GXYLT1: variants seen among roughly 807,000 people sequenced by gnomAD.
GXYLT1 encodes the protein glycosyltransferase 8 domain containing 3.
In GXYLT1, 29 loss-of-function variants were observed where a neutral mutation model predicts 54.0. The ratio of observed to expected loss-of-function variants is 0.54; its 90% CI spans 0.40 to 0.73. GXYLT1 has a LOEUF of 0.73. Ranked by LOEUF, GXYLT1 falls within the 30% of genes least tolerant of loss-of-function variation. The probability of loss-of-function intolerance (pLI) is 0.00; values close to 1 mark genes in which losing one functional copy is unlikely to be tolerated. For synonymous variants in GXYLT1, 176 were observed against 204.1 expected, an observed-to-expected ratio of 0.86 and a Z score of 1.17; for missense variants, 490 against 553.4, an observed-to-expected ratio of 0.89 and a Z score of 1.15.
Position 42,144,500 on chromosome 12 carries a change from G to C in GXYLT1, c.147C>G (p.Leu49=), listed in dbSNP as rs2065669710. The change falls in exon 1 of 8, where the codon CTC becomes CTG. Residue 49 remains leucine, a synonymous_variant. Coordinates refer to ENST00000398675, the MANE Select transcript of GXYLT1 (RefSeq NM_173601.2). Reference sequence around the variant, plus strand: ...TCACGGCGCCGCGTCCGCCGCCCGCGAGCCAGGAAGCCACCGCGGCCTGCG... The same window carrying C: ...TCACGGCGCCGCGTCCGCCGCCCGCCAGCCAGGAAGCCACCGCGGCCTGCG... The part of the protein sequence containing the change: ...GKPQAAVASW[L]AGGGRGAVRG... The C allele has an allele frequency of 2.1e-6, 3 of 1,396,788 alleles. No homozygotes were observed. Among genetic ancestry groups the C allele is most frequent in the Non-Finnish European group, 2.8e-6 (3 of 1,074,550 alleles). 86.5% of individuals were successfully genotyped at this position (1,396,788 alleles called of 1,614,324 possible).
chr12:42,143,947 T>G (rs2065665118), intron 1 of GXYLT1, among the ~76,000 whole-genome samples: 1 of 152,156 alleles, frequency 6.6e-6, no homozygotes, highest in African/African-American at 2.4e-5. Context: ...CTTAGAAGTG[T>G]AAGCGTTAAC....
At chr12:42,094,868 G>A (rs2065347222) in intron 7 of GXYLT1, among the ~76,000 whole-genome samples, 1 of 152,054 alleles carries the variant, frequency 6.6e-6, no homozygotes, top group African/African-American at 2.4e-5. Flanking sequence ...TAATAATGAT[G>A]GTTGTACAAT....
chr12:42,119,711 C>T (rs2065519144), intron 2 of GXYLT1, among the ~76,000 whole-genome samples: 1 of 151,822 alleles, frequency 6.6e-6, no homozygotes, highest in Non-Finnish European at 1.5e-5. Flanking sequence ...AGGAGGCTGA[C>T]ATGGGAGGAT....
At chr12:42,108,773 T>A (rs918619439) in intron 4 of GXYLT1, among the ~76,000 whole-genome samples, 34 of 152,186 alleles carry the variant, frequency 2.2e-4, no homozygotes, top group Non-Finnish European at 7.4e-5. Flanking sequence ...CACTTAGCAA[T>A]AAGAAGTAAC....
chr12:42,095,324 T>C (rs531419006), intron 7 of GXYLT1, among the ~76,000 whole-genome samples: 4 of 152,130 alleles, frequency 2.6e-5, no homozygotes, highest in Non-Finnish European at 5.9e-5. Flanking sequence ...CACAGCTAAC[T>C]GTACATTGCT....
At chr12:42,117,491 G>GT (rs144921512) in intron 3 of GXYLT1, among the ~76,000 whole-genome samples, 22,338 of 151,728 alleles carry the variant, frequency 0.15, 1,749 homozygotes, top group South Asian at 0.22. Flanking sequence ...CTCATAATTA[G>GT]TATTTTTGCA....
At chr12:42,108,339 C>T (rs2065432681) in intron 4 of GXYLT1, among the ~76,000 whole-genome samples, 2 of 152,146 alleles carry the variant, frequency 1.3e-5, no homozygotes, top group South Asian at 4.2e-4. Context: ...TTTTTCAATA[C>T]TATTTGTGTG....
intron 2 of GXYLT1, among the ~76,000 whole-genome samples, chr12:42,127,407 A>G (rs2065569491): frequency 6.6e-6 from 1 of 152,214 alleles, no homozygotes; most frequent in African/African-American, 2.4e-5. Context: ...GGTAGAAAGT[A>G]TAACAGAGGA....
At chr12:42,131,695 A>G (rs920319608) in intron 1 of GXYLT1, among the ~76,000 whole-genome samples, 1 of 152,234 alleles carries the variant, frequency 6.6e-6, no homozygotes, top group Non-Finnish European at 1.5e-5. Context: ...TGACTTGATT[A>G]GAAAATCTGT....
In GXYLT1 at chr12:42,083,693, A is replaced by ATT. The variant is rs2065267485; in HGVS notation, c.*4092_*4093insAA. ...TACTCAGAATGGTTCAACTGAAAGT[A>ATT]TCCCAACTGAGGAATAAATAGGTGT... On this transcript the variant is annotated 3_prime_UTR_variant, in exon 8 of 8. Transcript: ENST00000398675. The ATT allele has an allele frequency of 6.6e-6, 1 of 152,060 alleles. No individual in the cohort carries two copies. Among genetic ancestry groups the ATT allele is most frequent in the African/African-American group, 2.4e-5 (1 of 41,256 alleles). 9.4% of individuals were successfully genotyped at this position (152,060 alleles called of 1,614,324 possible). A position where few individuals can be genotyped will look rare whatever the true frequency, so the allele number is the denominator to read the frequency against.
chr12:42,129,754 C>G lies in GXYLT1; in HGVS notation c.314+5G>C. 6.3e-7 allele frequency: 1 copy of G among 1,598,038 alleles called. No homozygotes were observed. The highest frequency in any genetic ancestry group is 8.6e-7 in the Non-Finnish European group (1 of 1,165,658). ...TGATCTACCAATTAAATATTAAGTG[C>G]CTACCTAAAAGCCGCTTCCCAAAAG... On this transcript the variant is annotated splice_donor_5th_base_variant and intron_variant, in intron 2 of 7. Transcript: ENST00000398675.
At chr12:42,123,319 T>G (rs1168150549) in intron 2 of GXYLT1, among the ~76,000 whole-genome samples, 1 of 152,200 alleles carries the variant, frequency 6.6e-6, no homozygotes, top group East Asian at 1.9e-4. Context: ...ACATGCTGAA[T>G]CTATGTATTT....
chr12:42,114,281 G>A (rs532837543), intron 3 of GXYLT1, among the ~76,000 whole-genome samples: 1 of 152,212 alleles, frequency 6.6e-6, no homozygotes, highest in African/African-American at 2.4e-5. Flanking sequence ...ACAAAGATCA[G>A]AACAGAACTG....
chr12:42,137,449 A>C (rs1465463613), intron 1 of GXYLT1, among the ~76,000 whole-genome samples: 6 of 138,336 alleles, frequency 4.3e-5, no homozygotes, highest in Non-Finnish European at 9.1e-5. Flanking sequence ...CAGAGGTTAA[A>C]GTGAGCTGAG....
At chr12:42,116,338 C>A (rs1308388055) in intron 3 of GXYLT1, among the ~76,000 whole-genome samples, 1 of 152,108 alleles carries the variant, frequency 6.6e-6, no homozygotes, top group Non-Finnish European at 1.5e-5. Context: ...TCAGAGTGAA[C>A]CGGCAACCTA....
At chr12:42,092,659 C>T (rs1401718997) in intron 7 of GXYLT1, among the ~76,000 whole-genome samples, 1 of 152,008 alleles carries the variant, frequency 6.6e-6, no homozygotes, top group African/African-American at 2.4e-5. Flanking sequence ...CATTATAAAG[C>T]AAATGCTTAA....
intron 2 of GXYLT1, among the ~76,000 whole-genome samples, chr12:42,127,612 T>C (rs1327631927): frequency 6.6e-6 from 1 of 152,202 alleles, no homozygotes; most frequent in Non-Finnish European, 1.5e-5. Flanking sequence ...GGGACACTCC[T>C]GCAGTCAGTA....
At chr12:42,136,223 C>T (rs2065618788) in intron 1 of GXYLT1, among the ~76,000 whole-genome samples, 1 of 152,138 alleles carries the variant, frequency 6.6e-6, no homozygotes, top group African/African-American at 2.4e-5. Flanking sequence ...TTAGCAAAAG[C>T]AACTCATCTG....
rs1371002494 is a variant in GXYLT1 at position 42,083,938 on chromosome 12, T to C, written c.*3848A>G. ...ACAATAAAGTTAAAAAGGAAGATAC[T>C]TGTATTTCCACAGGTCCTAGCTCAC... is the stretch of plus-strand genomic sequence containing the variant. On this transcript the variant is annotated 3_prime_UTR_variant, in exon 8 of 8. Transcript: ENST00000398675. 6.6e-6 allele frequency: 1 copy of C among 151,304 alleles called. No individual in the cohort carries two copies. Among genetic ancestry groups the C allele is most frequent in the African/African-American group, 2.4e-5 (1 of 41,126 alleles). The allele number at this position is 151,304 out of a possible 1,614,324, so 9.4% of individuals were successfully genotyped here. A position where few individuals can be genotyped will look rare whatever the true frequency, so the allele number is the denominator to read the frequency against.
Sources: allele counts gnomAD v4.1 joint callset (sites outside exome capture counted in the v4.1 genomes callset), GRCh38; gene constraint gnomAD v4.1.1; transcripts MANE v1.5; gene names NCBI Gene and HGNC (gene_info 2026-07-23, HGNC 2026-07-21).